Variants in GABRA5 observed in about 807,000 individuals in gnomAD.
GABRA5 encodes gamma-aminobutyric acid type A receptor subunit alpha5, also known as gamma-aminobutyric acid receptor subunit alpha-5.
A neutral mutation model predicts 47.3 loss-of-function variants in GABRA5; 18 were observed. The observed-to-expected ratio is 0.38, with a 90% CI of 0.26 to 0.56. GABRA5 has a LOEUF of 0.56. Ranked by LOEUF, GABRA5 falls within the 20% of genes least tolerant of loss-of-function variation. The pLI is 0.71. For synonymous variants in GABRA5, 237 were observed against 229.3 expected, an observed-to-expected ratio of 1.03 and a Z score of -0.30; for missense variants, 365 against 599.3, an observed-to-expected ratio of 0.61 and a Z score of 4.08.
At chr15:26,914,466 C>T (rs979890644) in intron 6 of GABRA5, among the ~76,000 whole-genome samples, 2 of 151,972 alleles carry the variant, frequency 1.3e-5, no homozygotes, top group Admixed American at 6.6e-5. Context: ...TTTTCAGTCC[C>T]GTCAAGGAAA....
chr15:26,913,692 G>T lies in GABRA5; in HGVS notation c.498-1111G>T, dbSNP rs1893652746. Among the ~76,000 whole-genome samples, 4 of 152,044 alleles carry T rather than the reference G, an allele frequency of 2.6e-5. No individual in the cohort carries two copies. In the South Asian group the frequency reaches 6.2e-4, roughly 24 times the overall value. On this transcript the variant is annotated intron_variant, in intron 6 of 10. Transcript: ENST00000335625. ...TTTCATTTATTTTAAATAATGGAAA[G>T]AAAAACTAACAAACAGAAGATGGGC...
At chr15:26,894,550 A>G (rs12909683) in intron 6 of GABRA5, among the ~76,000 whole-genome samples, 50,237 of 151,952 alleles carry the variant, frequency 0.33, 9,744 homozygotes, top group Non-Finnish European at 0.43. Flanking sequence ...AGCTGGTCCC[A>G]TGATGTCAAG....
intron 6 of GABRA5, among the ~76,000 whole-genome samples, chr15:26,889,503 GCA>G (rs1205969640): frequency 2.0e-5 from 3 of 152,088 alleles, no homozygotes; most frequent in African/African-American, 7.2e-5. Flanking sequence ...CCACTTGAGG[GCA>G]GCATTGTCAC....
chr15:26,948,326 ACTAT>A lies in GABRA5; in HGVS notation c.*96_*99del. The A allele has an allele frequency of 4.9e-6, 6 of 1,232,732 alleles. No individual in the cohort carries two copies. Among genetic ancestry groups the A allele is most frequent in the Non-Finnish European group, 6.7e-6 (6 of 895,802 alleles). The allele number at this position is 1,232,732 out of a possible 1,614,324, so 76.4% of individuals were successfully genotyped here. A position where few individuals can be genotyped will look rare whatever the true frequency, so the allele number is the denominator to read the frequency against. Reference sequence around the variant, plus strand: ...TCACAGGGACTCTCCATATGTGAGCACTATCTTTCAGGAAATTTTTGCATGTTTA... The same window carrying A: ...TCACAGGGACTCTCCATATGTGAGCACTTTCAGGAAATTTTTGCATGTTTA... On this transcript the variant is annotated 3_prime_UTR_variant, in exon 11 of 11. Coordinates refer to ENST00000335625, the MANE Select transcript of GABRA5 (RefSeq NM_000810.4).
chr15:26,877,975 G>A (rs1057003957), intron 3 of GABRA5, among the ~76,000 whole-genome samples: 1 of 152,158 alleles, frequency 6.6e-6, no homozygotes, highest in Non-Finnish European at 1.5e-5. Flanking sequence ...GACTCTGGTC[G>A]ACCTCAGGAT....
chr15:26,914,750 T>G, intron 6 of GABRA5, 53 bp from the exon 7 acceptor site: 1 of 1,409,414 alleles, frequency 7.1e-7, no homozygotes, highest in Non-Finnish European at 1.0e-6. Context: ...GGTGGCTCAG[T>G]GAATGGCTAG....
chr15:26,908,290 C>G (rs1893493900), intron 6 of GABRA5, among the ~76,000 whole-genome samples: 1 of 152,114 alleles, frequency 6.6e-6, no homozygotes. Flanking sequence ...GCTCCGTGTG[C>G]ATGATGTGAA....
At chr15:26,907,380 C>G (rs1893470078) in intron 6 of GABRA5, among the ~76,000 whole-genome samples, 2 of 152,306 alleles carry the variant, frequency 1.3e-5, no homozygotes, top group South Asian at 4.1e-4. Context: ...TAAAATAGGT[C>G]AATGTACACT....
chr15:26,947,445 A>G (rs947566745), intron 10 of GABRA5, among the ~76,000 whole-genome samples: 1 of 152,166 alleles, frequency 6.6e-6, no homozygotes, highest in African/African-American at 2.4e-5. Flanking sequence ...AAGTAAGAAC[A>G]TGTGGTATTT....
At chr15:26,929,496 G>T (rs1251312875) in intron 7 of GABRA5, among the ~76,000 whole-genome samples, 2 of 152,208 alleles carry the variant, frequency 1.3e-5, no homozygotes, top group Non-Finnish European at 2.9e-5. Context: ...CAGGGATTGG[G>T]CCGCATGACT....
Position 26,937,261 on chromosome 15 carries a change from C to A in GABRA5, c.657C>A (p.Gly219=). The part of the protein sequence containing the change: ...STKSVVVAED[G]SRLNQYHLMG... ...AGTCGGTGGTGGTGGCGGAAGATGG[C>A]TCCAGACTGAACCAGTACCACCTGA... Residue 219 remains glycine, a synonymous_variant, in exon 8 of 11, where the codon GGC becomes GGA. Transcript: ENST00000335625. 1 of 1,613,958 alleles carries A rather than the reference C, an allele frequency of 6.2e-7. No homozygotes were observed.
chr15:26,899,540 A>G (rs1391171956), intron 6 of GABRA5, among the ~76,000 whole-genome samples: 1 of 152,154 alleles, frequency 6.6e-6, no homozygotes, highest in African/African-American at 2.4e-5. Flanking sequence ...CAGGTTTCCA[A>G]CTGATATTGC....
chr15:26,905,778 T>C (rs1272894572), intron 6 of GABRA5, among the ~76,000 whole-genome samples: 3 of 152,072 alleles, frequency 2.0e-5, no homozygotes, highest in East Asian at 3.9e-4. Context: ...TGAAACCCTC[T>C]AGTGAATTCT....
chr15:26,892,515 G>C (rs1346445207), intron 6 of GABRA5, among the ~76,000 whole-genome samples: 2 of 152,246 alleles, frequency 1.3e-5, no homozygotes, highest in Non-Finnish European at 2.9e-5. Context: ...TTCAAGGCAA[G>C]TTAGAGTATT....
chr15:26,909,880 T>G (rs1893537588), intron 6 of GABRA5, among the ~76,000 whole-genome samples: 1 of 152,230 alleles, frequency 6.6e-6, no homozygotes, highest in Non-Finnish European at 1.5e-5. Flanking sequence ...TTATTTTGCC[T>G]GCCACTGTCA....
At chr15:26,911,702 G>A (rs990485706) in intron 6 of GABRA5, among the ~76,000 whole-genome samples, 5 of 152,248 alleles carry the variant, frequency 3.3e-5, no homozygotes, top group East Asian at 1.9e-4. Flanking sequence ...GAAACGTCAC[G>A]TCTGGTGCCT....
chr15:26,947,972 T>C lies in GABRA5; in HGVS notation c.1128T>C (p.Ala376=), dbSNP rs1416285074. The C allele has an allele frequency of 6.3e-7, 1 of 1,591,880 alleles. No individual in the cohort carries two copies. Among genetic ancestry groups the C allele is most frequent in the Non-Finnish European group, 8.6e-7 (1 of 1,168,454 alleles). ...TCATACTAAATAAGTCAACAAACGC[T>C]TTTACAACTGGGAAGATGTCTCACC... ...REVILNKSTN[A]FTTGKMSHPP... Residue 376 remains alanine (A), a synonymous_variant, in exon 11 of 11, where the codon GCT becomes GCC. Coordinates refer to ENST00000335625, the MANE Select transcript of GABRA5 (RefSeq NM_000810.4).
At chr15:26,933,439 G>A (rs1566885046) in intron 7 of GABRA5, among the ~76,000 whole-genome samples, 1 of 152,226 alleles carries the variant, frequency 6.6e-6, no homozygotes, top group South Asian at 2.1e-4. Flanking sequence ...ATTGTTACAT[G>A]AGAGATTTCT....
chr15:26,932,821 C>T (rs149875363), intron 7 of GABRA5, among the ~76,000 whole-genome samples: 5,899 of 152,148 alleles, frequency 0.039, 318 homozygotes, highest in African/African-American at 0.12. Flanking sequence ...CTGAAGCCAT[C>T]ATCCTCAGCA....
Sources: gnomAD v4.1 joint callset for allele counts (sites outside exome capture counted in the v4.1 genomes callset) on GRCh38, gnomAD v4.1.1 for gene constraint, MANE v1.5 for transcripts, NCBI Gene and HGNC (gene_info 2026-07-23, HGNC 2026-07-21) for gene names.